SDC2: variants seen among roughly 807,000 people sequenced by gnomAD.
SDC2 encodes syndecan-2.
A neutral mutation model predicts 22.2 loss-of-function variants in SDC2; 13 were observed. That is an observed-to-expected ratio of 0.59 (90% CI 0.38 to 0.93). SDC2 has a LOEUF of 0.93. Ranked by LOEUF, SDC2 falls within the 40% of genes least tolerant of loss-of-function variation. SDC2 has a pLI of 0.00. For missense variants in SDC2, 235 were observed against 246.8 expected, an observed-to-expected ratio of 0.95 and a Z score of 0.32; for synonymous variants, 94 against 92.8, an observed-to-expected ratio of 1.01 and a Z score of -0.07.
intron 4 of SDC2, among the ~76,000 whole-genome samples, chr8:96,609,154 C>T (rs1488160992): frequency 6.6e-6 from 1 of 152,086 alleles, no homozygotes. Context: ...TTTTTCTTAT[C>T]GAGGTTTTTG....
At position 96,559,210 on chromosome 8, in the gene SDC2, A is replaced by G. The variant is rs186360807; in HGVS notation, c.61-34270A>G. ...GTGGGGTGTGATGACATGAGACAAG[A>G]GTGTCAAGGCTTGAATGTCCAAGGA... On this transcript the variant is annotated intron_variant, in intron 1 of 4. Transcript: ENST00000302190. Among the ~76,000 whole-genome samples the G allele has an allele frequency of 2.6e-5, 4 of 152,296 alleles. No homozygotes were observed. The East Asian group carries it at 7.7e-4, about 29-fold the overall frequency.
At chr8:96,517,090 T>C (rs1190495305) in intron 1 of SDC2, among the ~76,000 whole-genome samples, 1 of 152,228 alleles carries the variant, frequency 6.6e-6, no homozygotes, top group Non-Finnish European at 1.5e-5. Context: ...TTTTTCCACA[T>C]CCTCATCAAT....
chr8:96,499,523 G>A lies in SDC2; in HGVS notation c.60+5192G>A, dbSNP rs534835404. Among the ~76,000 whole-genome samples, 33 of 152,306 alleles carry A rather than the reference G, an allele frequency of 2.2e-4. 1 individual carries two copies. The highest frequency in any genetic ancestry group is 3.4e-3 in the Middle Eastern group (1 of 294). ...AGTAGCTGGGCTTAGAATACAAAGG[G>A]CTTGGGCTTGGGAGGTGGACAAGTC... On this transcript the variant is annotated intron_variant, in intron 1 of 4. Coordinates refer to ENST00000302190, the MANE Select transcript of SDC2 (RefSeq NM_002998.4).
intron 1 of SDC2, among the ~76,000 whole-genome samples, chr8:96,544,112 G>T (rs1451124069): frequency 2.0e-5 from 3 of 152,106 alleles, no homozygotes; most frequent in Non-Finnish European, 2.9e-5. Context: ...ATTTCAGAAA[G>T]AATTTTTCTT....
intron 1 of SDC2, among the ~76,000 whole-genome samples, chr8:96,503,260 TCTTA>T (rs1187684730): frequency 1.3e-5 from 2 of 152,238 alleles, no homozygotes; most frequent in Non-Finnish European, 2.9e-5. Context: ...TGTTGAAGTC[TCTTA>T]CTTATAATAG....
intron 1 of SDC2, among the ~76,000 whole-genome samples, chr8:96,534,853 C>A (rs570307135): frequency 2.6e-4 from 39 of 152,304 alleles, no homozygotes; most frequent in African/African-American, 9.1e-4. Flanking sequence ...TTGCTCATAT[C>A]TTTGCTACCC....
chr8:96,596,287 G>T (rs1814874785), intron 2 of SDC2, among the ~76,000 whole-genome samples: 2 of 152,164 alleles, frequency 1.3e-5, no homozygotes, highest in Admixed American at 6.5e-5. Flanking sequence ...GAATTACCCA[G>T]TTCCAGCTTA....
chr8:96,542,133 T>A (rs1345588732), intron 1 of SDC2, among the ~76,000 whole-genome samples: 1 of 152,152 alleles, frequency 6.6e-6, no homozygotes, highest in Non-Finnish European at 1.5e-5. Flanking sequence ...CCCCTCCCAA[T>A]ATGTAGTGCT....
At chr8:96,577,666 T>C (rs763214939) in intron 1 of SDC2, among the ~76,000 whole-genome samples, 2 of 152,218 alleles carry the variant, frequency 1.3e-5, no homozygotes, top group African/African-American at 2.4e-5. Context: ...CATAATGTCG[T>C]GTATCTACTA....
chr8:96,529,004 C>T (rs1182023428), intron 1 of SDC2, among the ~76,000 whole-genome samples: 2 of 152,194 alleles, frequency 1.3e-5, no homozygotes, highest in Non-Finnish European at 2.9e-5. Context: ...AGCTGAGATG[C>T]CCCGGCACAG....
At chr8:96,499,113 T>C (rs576430714) in intron 1 of SDC2, among the ~76,000 whole-genome samples, 66 of 152,354 alleles carry the variant, frequency 4.3e-4, no homozygotes, top group African/African-American at 1.5e-3. Flanking sequence ...CTCCCAGCCC[T>C]GGCCCATTGA....
At chr8:96,530,336 T>C (rs1813640597) in intron 1 of SDC2, among the ~76,000 whole-genome samples, 1 of 152,198 alleles carries the variant, frequency 6.6e-6, no homozygotes, top group Non-Finnish European at 1.5e-5. Flanking sequence ...ACCTTGTTAG[T>C]ATTAAAATGG....
intron 1 of SDC2, among the ~76,000 whole-genome samples, chr8:96,500,092 T>G (rs1034943067): frequency 2.0e-5 from 3 of 152,164 alleles, no homozygotes; most frequent in Non-Finnish European, 2.9e-5. Context: ...TTGTCCAGTT[T>G]TGATGCCTCT....
At chr8:96,594,585 T>A (rs1485806023) in intron 2 of SDC2, among the ~76,000 whole-genome samples, 1 of 152,190 alleles carries the variant, frequency 6.6e-6, no homozygotes, top group Non-Finnish European at 1.5e-5. Flanking sequence ...TTACAGAGGA[T>A]ATGTATACAC....
chr8:96,539,561 G>A (rs1813811781), intron 1 of SDC2, among the ~76,000 whole-genome samples: 2 of 152,210 alleles, frequency 1.3e-5, no homozygotes, highest in African/African-American at 4.8e-5. Context: ...AGCGTGTTAA[G>A]TATAGTACAT....
chr8:96,540,945 G>A (rs1251000192), intron 1 of SDC2, among the ~76,000 whole-genome samples: 1 of 152,106 alleles, frequency 6.6e-6, no homozygotes, highest in Non-Finnish European at 1.5e-5. Context: ...CCTGACTTTA[G>A]TTCATCTCTG....
At chr8:96,539,270 T>G (rs1240081642) in intron 1 of SDC2, among the ~76,000 whole-genome samples, 1 of 152,240 alleles carries the variant, frequency 6.6e-6, no homozygotes, top group Non-Finnish European at 1.5e-5. Flanking sequence ...CTCCCATGTT[T>G]TCAAAGATGA....
At chr8:96,498,873 G>A (rs554672959) in intron 1 of SDC2, among the ~76,000 whole-genome samples, 1 of 152,228 alleles carries the variant, frequency 6.6e-6, no homozygotes, top group South Asian at 2.1e-4. Flanking sequence ...TTCCTTGGGG[G>A]CATGCCAGCT....
rs1814394992 is a variant in SDC2, at chr8:96,571,531, T to G, written c.61-21949T>G. Among the ~76,000 whole-genome samples, 4 of 152,262 alleles carry G rather than the reference T, an allele frequency of 2.6e-5. No homozygotes were observed. The South Asian group carries it at 8.3e-4, about 32-fold the overall frequency. ...CTGGTATTCTGACCTATTTATATGA[T>G]TCAGCCTAATCTTGTGTTTGTGGTT... On this transcript the variant is annotated intron_variant, in intron 1 of 4. Coordinates refer to ENST00000302190, the MANE Select transcript of SDC2 (RefSeq NM_002998.4).
Sources: gnomAD v4.1 joint callset for allele counts (sites outside exome capture counted in the v4.1 genomes callset) on GRCh38, gnomAD v4.1.1 for gene constraint, MANE v1.5 for transcripts, NCBI Gene and HGNC (gene_info 2026-07-23, HGNC 2026-07-21) for gene names.